TMCC1: variants seen among roughly 807,000 people sequenced by gnomAD.
The protein encoded by TMCC1 is transmembrane and coiled-coil domain family 1, also known as transmembrane and coiled-coil domains protein 1.
TMCC1 carries 15 observed loss-of-function variants against 52.4 expected under a neutral mutation model. That is an observed-to-expected ratio of 0.29 (90% CI 0.19 to 0.44). The LOEUF (loss-of-function observed/expected upper bound fraction) is 0.44. TMCC1 is among the 20% of genes least tolerant of loss of function. The probability of loss-of-function intolerance (pLI) is 1.00; values close to 1 mark genes in which losing one functional copy is unlikely to be tolerated. For synonymous variants in TMCC1, 279 were observed against 301.9 expected (o/e 0.92, Z 0.79); for missense variants, 503 against 806.0 (o/e 0.62, Z 4.55).
chr3:129,757,186 C>T (rs778868512), intron 4 of TMCC1, among the ~76,000 whole-genome samples: 29 of 152,100 alleles, frequency 1.9e-4, no homozygotes, highest in Non-Finnish European at 3.5e-4. Context: ...TTAACTTAGC[C>T]AATCTACAAT....
intron 4 of TMCC1, among the ~76,000 whole-genome samples, chr3:129,713,668 G>A (rs1046697869): frequency 2.0e-5 from 3 of 146,796 alleles, no homozygotes; most frequent in African/African-American, 7.6e-5. Flanking sequence ...AACTATGATT[G>A]TGCCTTTAAA....
At chr3:129,824,888 ATTT>A (rs1357262739) in intron 4 of TMCC1, among the ~76,000 whole-genome samples, 1 of 152,224 alleles carries the variant, frequency 6.6e-6, no homozygotes, top group African/African-American at 2.4e-5. Context: ...AGATTTTAAA[ATTT>A]TTTATTCTAA....
chr3:129,804,287 A>T (rs943685730), intron 4 of TMCC1, among the ~76,000 whole-genome samples: 4 of 152,232 alleles, frequency 2.6e-5, no homozygotes, highest in Non-Finnish European at 5.9e-5. Flanking sequence ...ATATAATGCC[A>T]TGCAAATACT....
chr3:129,821,313 A>G (rs1185976522), intron 4 of TMCC1, among the ~76,000 whole-genome samples: 4 of 152,136 alleles, frequency 2.6e-5, no homozygotes, highest in African/African-American at 4.8e-5. Flanking sequence ...AATTTTCCCT[A>G]AGCACTAATT....
At chr3:129,715,176 A>T (rs1433243649) in intron 4 of TMCC1, among the ~76,000 whole-genome samples, 1 of 152,198 alleles carries the variant, frequency 6.6e-6, no homozygotes, top group Admixed American at 6.5e-5. Context: ...CAATTACAGT[A>T]ACAGAGAAAG....
chr3:129,887,497 G>A (rs1403507524), intron 1 of TMCC1, among the ~76,000 whole-genome samples: 4 of 147,654 alleles, frequency 2.7e-5, no homozygotes, highest in African/African-American at 7.6e-5. Flanking sequence ...AGCCAAGATC[G>A]CGCCACTGCA....
intron 2 of TMCC1, among the ~76,000 whole-genome samples, chr3:129,873,306 T>C (rs372572163): frequency 1.3e-4 from 19 of 150,148 alleles, no homozygotes; most frequent in African/African-American, 4.2e-4. Context: ...TAATGCAGTG[T>C]GGACATACGA....
intron 1 of TMCC1, among the ~76,000 whole-genome samples, chr3:129,885,830 C>T (rs2061669850): frequency 6.7e-6 from 1 of 150,044 alleles, no homozygotes; most frequent in Admixed American, 6.6e-5. Context: ...GCAACCTCCG[C>T]CTCCTGGGTT....
intron 2 of TMCC1, among the ~76,000 whole-genome samples, chr3:129,852,111 C>T (rs1389069001): frequency 6.6e-6 from 1 of 152,044 alleles, no homozygotes; most frequent in Non-Finnish European, 1.5e-5. Context: ...CCTGATTGTG[C>T]CACTGTACTC....
chr3:129,883,392 T>C (rs879706094), intron 1 of TMCC1, among the ~76,000 whole-genome samples: 1 of 152,024 alleles, frequency 6.6e-6, no homozygotes, highest in Admixed American at 6.6e-5. Flanking sequence ...ATGGGAGGAT[T>C]ATTTGACCCC....
chr3:129,765,844 G>A (rs2107690010), intron 4 of TMCC1, among the ~76,000 whole-genome samples: 1 of 151,214 alleles, frequency 6.6e-6, no homozygotes, highest in Non-Finnish European at 1.5e-5. Flanking sequence ...TTAAGAGTTT[G>A]AAGATTTCTT....
intron 4 of TMCC1, among the ~76,000 whole-genome samples, chr3:129,685,294 A>G (rs565214737): frequency 6.6e-6 from 1 of 152,042 alleles, no homozygotes; most frequent in South Asian, 2.1e-4. Context: ...TGAGAAAATC[A>G]CTTAAGCCCA....
intron 4 of TMCC1, among the ~76,000 whole-genome samples, chr3:129,702,882 A>G (rs1464961735): frequency 6.6e-6 from 1 of 152,074 alleles, no homozygotes; most frequent in Non-Finnish European, 1.5e-5. Context: ...TGGGCGTGAT[A>G]GCGTGCGCCT....
chr3:129,655,581 C>G (rs146150028), intron 5 of TMCC1, among the ~76,000 whole-genome samples: 180 of 152,276 alleles, frequency 1.2e-3, no homozygotes, highest in Non-Finnish European at 1.3e-3. Context: ...AATGCCAGAG[C>G]CAGAGGGGTC....
intron 2 of TMCC1, among the ~76,000 whole-genome samples, chr3:129,842,523 A>C (rs1304971688): frequency 6.6e-6 from 1 of 151,818 alleles, no homozygotes; most frequent in Non-Finnish European, 1.5e-5. Context: ...GATAGATGTG[A>C]CCTCAACAGT....
intron 4 of TMCC1, among the ~76,000 whole-genome samples, chr3:129,673,829 G>GAAA (rs58816036): frequency 1.4e-5 from 2 of 146,958 alleles, no homozygotes; most frequent in African/African-American, 5.1e-5. Context: ...TCTCTAAAAT[G>GAAA]AAAAAAAAAA....
chr3:129,686,304 G>C (rs1022917000), intron 4 of TMCC1, among the ~76,000 whole-genome samples: 1 of 152,152 alleles, frequency 6.6e-6, no homozygotes, highest in Non-Finnish European at 1.5e-5. Context: ...GTTTCTCCAT[G>C]TTGGTCAGGC....
intron 4 of TMCC1, among the ~76,000 whole-genome samples, chr3:129,700,185 A>C (rs1576494077): frequency 6.6e-6 from 1 of 152,290 alleles, no homozygotes; most frequent in East Asian, 1.9e-4. Flanking sequence ...AGACTAGCTT[A>C]GGAACATAGT....
intron 2 of TMCC1, among the ~76,000 whole-genome samples, chr3:129,867,860 TC>T (rs1408914927): frequency 6.6e-6 from 1 of 152,192 alleles, no homozygotes; most frequent in African/African-American, 2.4e-5. Context: ...AGATGAAGAC[TC>T]TAGGTCACAC....
Sources: allele counts gnomAD v4.1 joint callset (sites outside exome capture counted in the v4.1 genomes callset), GRCh38; gene constraint gnomAD v4.1.1; transcripts MANE v1.5; gene names NCBI Gene and HGNC (gene_info 2026-07-23, HGNC 2026-07-21).